The following COG5 variants were observed in gnomAD, a reference collection of about 807,000 sequenced individuals.
COG5 encodes component of oligomeric golgi complex 5.
In COG5, 86 loss-of-function variants were observed where a neutral mutation model predicts 110.4. That is an observed-to-expected ratio of 0.78 (90% confidence interval 0.65 to 0.93). COG5 has a LOEUF of 0.93. Ranked by LOEUF, COG5 falls within the 40% of genes least tolerant of loss-of-function variation. The pLI, the probability that COG5 is intolerant of heterozygous loss-of-function variation, is 0.00. For missense variants in COG5, 1,077 were observed against 987.0 expected, an observed-to-expected ratio of 1.09 and a Z score of -1.22; for synonymous variants, 360 against 334.6, an observed-to-expected ratio of 1.08 and a Z score of -0.83.
At chr7:107,541,523 A>AAAAAATATATATATATAT (rs60423657) in intron 5 of COG5, among the ~76,000 whole-genome samples, 1 of 57,026 alleles carries the variant, frequency 1.8e-5, no homozygotes, top group African/African-American at 6.7e-5. Flanking sequence ...AAAAAAAAAA[A>AAAAAATATATATATATAT]ATATATATAT....
At chr7:107,334,440 A>G (rs1157904443) in intron 10 of COG5, among the ~76,000 whole-genome samples, 1 of 152,180 alleles carries the variant, frequency 6.6e-6, no homozygotes, top group Non-Finnish European at 1.5e-5. Flanking sequence ...AGGAAGGTTG[A>G]AAAAAATCAA....
In COG5 at chr7:107,460,814, G is replaced by A. The variant is rs201661607; in HGVS notation, c.539-48182C>T. 5.9e-5 allele frequency among the ~76,000 whole-genome samples: 9 copies of A among 151,806 alleles called. No individual in the cohort carries two copies. The East Asian group carries it at 1.7e-3, about 29-fold the overall frequency. On this transcript the variant is annotated intron_variant, in intron 6 of 21. Transcript: ENST00000297135. ...CCTACAGATAATTAAAATACAATGA[G>A]GAAATATTAAAAACAAGTTGATGTT...
At chr7:107,452,237 T>C (rs1241955821) in intron 6 of COG5, among the ~76,000 whole-genome samples, 1 of 152,226 alleles carries the variant, frequency 6.6e-6, no homozygotes, top group African/African-American at 2.4e-5. Context: ...TTGACATTAT[T>C]GTCAGAGTGA....
intron 6 of COG5, among the ~76,000 whole-genome samples, chr7:107,468,745 T>C (rs1181721376): frequency 6.6e-6 from 1 of 152,066 alleles, no homozygotes; most frequent in Non-Finnish European, 1.5e-5. Flanking sequence ...AAGAGAATAG[T>C]TCCAATTGCA....
chr7:107,274,560 T>C (rs1407775914), intron 14 of COG5, among the ~76,000 whole-genome samples: 1 of 152,056 alleles, frequency 6.6e-6, no homozygotes, highest in African/African-American at 2.4e-5. Context: ...GAGCTACGTA[T>C]AATAGAGCAG....
Position 107,541,649 on chromosome 7 carries a change from T to A in COG5, c.417+6462A>T, listed in dbSNP as rs193148127. Among the ~76,000 whole-genome samples the A allele has an allele frequency of 1.3e-3, 189 of 149,766 alleles. 2 individuals carry two copies. The highest frequency in any genetic ancestry group is 4.4e-3 in the African/African-American group (180 of 40,818). On this transcript the variant is annotated intron_variant, in intron 5 of 21. Transcript: ENST00000297135. The stretch of plus-strand genomic sequence containing the variant: ...AAATATAAACTAGAGATGAAAACTA[T>A]AGGCCGGGGATGGTGGCTCACACCT...
chr7:107,474,032 T>C lies in COG5; in HGVS notation c.538+53205A>G. 1.7e-6 allele frequency: 2 copies of C among 1,191,842 alleles called. No individual in the cohort carries two copies. Among genetic ancestry groups the C allele is most frequent in the Non-Finnish European group, 2.4e-6 (2 of 833,164 alleles). The allele number at this position is 1,191,842 out of a possible 1,614,324, so 73.8% of individuals were successfully genotyped here. A position where few individuals can be genotyped will look rare whatever the true frequency, so the allele number is the denominator to read the frequency against. Reference sequence around the variant, plus strand: ...AAATAGTTTATTCTATTTCACTTTCTAGGGAAAAAAACCAACTGCTCCAAA... The same window carrying C: ...AAATAGTTTATTCTATTTCACTTTCCAGGGAAAAAAACCAACTGCTCCAAA... On this transcript the variant is annotated intron_variant, in intron 6 of 21. Transcript: ENST00000297135. The surrounding 1 kb of genome is among the most constrained non-coding windows in gnomAD (Gnocchi z 5.7).
intron 6 of COG5, among the ~76,000 whole-genome samples, chr7:107,483,408 A>G (rs983192977): frequency 6.6e-6 from 1 of 152,174 alleles, no homozygotes; most frequent in Non-Finnish European, 1.5e-5. Context: ...AATACAACTT[A>G]AAGACACAAA....
At chr7:107,248,302 G>A in intron 17 of COG5, 94 bp downstream of exon 17, 1 of 826,796 alleles carries the variant, frequency 1.2e-6, no homozygotes, top group Non-Finnish European at 2.1e-6. Context: ...CAAGGCCCTG[G>A]ATGGCAGGGG....
rs1790155734 is a variant in COG5, at chr7:107,385,919, G to A, written c.670-13159C>T. Among the ~76,000 whole-genome samples the A allele has an allele frequency of 1.4e-5, 2 of 146,068 alleles. 1 individual carries two copies. The highest frequency in any genetic ancestry group is 4.3e-4 in the South Asian group (2 of 4,688). ...ACAGTAAGCATCTTTTCACATGATTGCTGGCCATCTGTATATCTTCTTTGG... is the reference window on the plus strand; with the variant it reads ...ACAGTAAGCATCTTTTCACATGATTACTGGCCATCTGTATATCTTCTTTGG... On this transcript the variant is annotated intron_variant, in intron 7 of 21. Transcript: ENST00000297135.
At chr7:107,213,832 C>T (rs1003220945) in intron 19 of COG5, among the ~76,000 whole-genome samples, 10 of 152,136 alleles carry the variant, frequency 6.6e-5, no homozygotes, top group African/African-American at 2.2e-4. Context: ...AATGCACAGA[C>T]ATCAATACAA....
At chr7:107,361,931 A>AT in intron 10 of COG5, 102 bp downstream of exon 10, 1 of 744,618 alleles carries the variant, frequency 1.3e-6, no homozygotes. Context: ...TTGCCATCTG[A>AT]TATGTAGCCA....
At chr7:107,417,835 T>C (rs1233306634) in intron 6 of COG5, among the ~76,000 whole-genome samples, 1 of 152,154 alleles carries the variant, frequency 6.6e-6, no homozygotes, top group Non-Finnish European at 1.5e-5. Flanking sequence ...TAAATAATTT[T>C]TGCTCCCTTT....
At chr7:107,544,116 T>G (rs2129170366) in intron 5 of COG5, among the ~76,000 whole-genome samples, 1 of 152,102 alleles carries the variant, frequency 6.6e-6, no homozygotes, top group African/African-American at 2.4e-5. Flanking sequence ...CCAGGCTTAT[T>G]TCAGCAGACC....
chr7:107,293,692 T>C (rs1302875512), intron 12 of COG5, among the ~76,000 whole-genome samples: 2 of 152,134 alleles, frequency 1.3e-5, no homozygotes, highest in African/African-American at 2.4e-5. Flanking sequence ...CTATAAATGC[T>C]GGTACCTTTC....
intron 6 of COG5, among the ~76,000 whole-genome samples, chr7:107,463,329 T>C (rs917445665): frequency 3.3e-5 from 5 of 152,212 alleles, no homozygotes; most frequent in Admixed American, 3.3e-4. Context: ...GGCACTGCTG[T>C]ACTGGGAAAT....
In COG5 at chr7:107,412,594, C is replaced by T. The variant is rs1279779987; in HGVS notation, c.577G>A (p.Val193Met). 4 of 1,581,082 alleles carry T rather than the reference C, an allele frequency of 2.5e-6. No homozygotes were observed. Among genetic ancestry groups the T allele is most frequent in the Non-Finnish European group, 3.5e-6 (4 of 1,150,994 alleles). Residue 193 changes from valine (V) to methionine (M), a missense_variant, in exon 7 of 22, where the codon GTG becomes ATG. By Grantham distance (21) the Val-to-Met change is conservative. Transcript: ENST00000297135. Reference sequence around the variant, plus strand: ...ATAAAAAGTAGATCATTTTCTATCACTTCTATTCCAGAAAGATCTATTCCT... The same window carrying T: ...ATAAAAAGTAGATCATTTTCTATCATTTCTATTCCAGAAAGATCTATTCCT... ...SQGIDLSGIEVIENDLLFIAR... is the reference protein window; with the variant it reads ...SQGIDLSGIEMIENDLLFIAR...
chr7:107,208,005 C>CA, intron 21 of COG5: 1 of 985,418 alleles, frequency 1.0e-6, no homozygotes, highest in African/African-American at 1.7e-5. Flanking sequence ...ATTTAAAGAG[C>CA]AATACTCACC....
At chr7:107,334,354 C>G (rs968177664) in intron 10 of COG5, among the ~76,000 whole-genome samples, 1 of 151,974 alleles carries the variant, frequency 6.6e-6, no homozygotes, top group Non-Finnish European at 1.5e-5. Context: ...AGAAGTTGAT[C>G]TTACAGAAGT....
Sources: gnomAD v4.1 joint callset for allele counts (sites outside exome capture counted in the v4.1 genomes callset) on GRCh38, gnomAD v4.1.1 for gene constraint, Gnocchi (gnomAD v3.1) non-coding constraint, MANE v1.5 for transcripts, NCBI Gene and HGNC (gene_info 2026-07-23, HGNC 2026-07-21) for gene names.